Variants in FAM81A observed in about 807,000 individuals in gnomAD.
FAM81A encodes the protein family with sequence similarity 81 member A, also known as protein FAM81A.
A neutral mutation model predicts 46.7 loss-of-function variants in FAM81A; 19 were observed. The ratio of observed to expected loss-of-function variants is 0.41; its 90% CI spans 0.28 to 0.60. FAM81A has a LOEUF of 0.60. Among genes scored for constraint, FAM81A ranks in the 20% least tolerant of loss-of-function variants. The pLI, the probability that FAM81A is intolerant of heterozygous loss-of-function variation, is 0.34. For synonymous variants in FAM81A, 183 were observed against 152.9 expected, an observed-to-expected ratio of 1.20 and a Z score of -1.45; for missense variants, 377 against 453.5, an observed-to-expected ratio of 0.83 and a Z score of 1.53.
At chr15:59,490,875 C>A (rs573169762) in intron 3 of FAM81A, among the ~76,000 whole-genome samples, 21 of 152,064 alleles carry the variant, frequency 1.4e-4, no homozygotes, top group Non-Finnish European at 2.4e-4. Context: ...ATCATCTCAC[C>A]CCAGTTAAAA....
At chr15:59,415,525 C>T (rs183831067) in intron 2 of FAM81A, among the ~76,000 whole-genome samples, 11 of 152,256 alleles carry the variant, frequency 7.2e-5, no homozygotes, top group Non-Finnish European at 1.5e-4. Context: ...AGAGATGCTA[C>T]GTTGAAAGGA....
chr15:59,488,856 G>A (rs1199013870), intron 3 of FAM81A, among the ~76,000 whole-genome samples: 3 of 152,150 alleles, frequency 2.0e-5, no homozygotes, highest in Admixed American at 6.5e-5. Flanking sequence ...TGTGTGCCTC[G>A]GGAGGCTGAG....
intron 1 of FAM81A, among the ~76,000 whole-genome samples, chr15:59,450,791 C>A (rs1304836265): frequency 1.3e-5 from 2 of 152,208 alleles, no homozygotes; most frequent in Admixed American, 1.3e-4. Context: ...TCCATTTAGA[C>A]TTAAAACTTA....
At chr15:59,519,876 G>C (rs994812777) in intron 8 of FAM81A, among the ~76,000 whole-genome samples, 5 of 152,110 alleles carry the variant, frequency 3.3e-5, no homozygotes, top group African/African-American at 4.8e-5. Context: ...GAACAGGGGA[G>C]TGCAGATATC....
Position 59,520,563 on chromosome 15 carries a change from A to AT in FAM81A, c.983-672dup, listed in dbSNP as rs71119482. 3.6e-3 allele frequency among the ~76,000 whole-genome samples: 444 copies of AT among 122,230 alleles called. 2 individuals carry two copies. Among genetic ancestry groups the AT allele is most frequent in the Middle Eastern group, 8.0e-3 (2 of 250 alleles). The allele number at this position is 122,230 out of a possible 152,430, so 80.2% of individuals were successfully genotyped here. ...TCCCTAGTTTAGATTTGTTTGCTTC[A>AT]TTTTTTTTTTTTTTTTTTTGAGACG... On this transcript the variant is annotated intron_variant, in intron 8 of 8. Transcript: ENST00000288228.
At chr15:59,440,258 T>C (rs1279970627) in intron 1 of FAM81A, 1 of 151,816 alleles carries the variant, frequency 6.6e-6, no homozygotes, top group Non-Finnish European at 1.5e-5. Context: ...TATACCAAAT[T>C]AGAATCATTG....
chr15:59,432,996 G>T (rs2081227239), intron 2 of FAM81A, among the ~76,000 whole-genome samples: 1 of 150,492 alleles, frequency 6.6e-6, no homozygotes, highest in East Asian at 1.9e-4. Context: ...CAAAAAATTA[G>T]CTGGGCATGG....
At chr15:59,492,477 A>C (rs1318011302) in intron 4 of FAM81A, 88 bp downstream of exon 4, 5 of 1,051,518 alleles carry the variant, frequency 4.8e-6, no homozygotes, top group Non-Finnish European at 7.0e-6. Context: ...ATGAAGCCCC[A>C]AAGCAAATGG....
upstream of FAM81A, among the ~76,000 whole-genome samples, chr15:59,434,915 G>A (rs2081236493): frequency 1.3e-5 from 2 of 152,196 alleles, no homozygotes; most frequent in South Asian, 4.1e-4. Context: ...CCTTATAGAT[G>A]TCGTGTGTAT....
chr15:59,499,629 T>C (rs1469248772), intron 4 of FAM81A, among the ~76,000 whole-genome samples: 1 of 152,190 alleles, frequency 6.6e-6, no homozygotes, highest in Non-Finnish European at 1.5e-5. Context: ...TTTTCTGGGA[T>C]GTCTTTATTT....
At chr15:59,402,056 T>A in intron 1 of FAM81A, 5 of 544,434 alleles carry the variant, frequency 9.2e-6, no homozygotes. Context: ...AAAAACGCTC[T>A]CAATTTTCGG....
chr15:59,508,815 A>G, intron 5 of FAM81A, 48 bp from the exon 6 acceptor site: 2 of 1,405,970 alleles, frequency 1.4e-6, no homozygotes, highest in Non-Finnish European at 9.9e-7. Context: ...CTGAAGTTGC[A>G]TCTGAAGACG....
intron 1 of FAM81A, among the ~76,000 whole-genome samples, chr15:59,400,409 T>TC (rs1210111396): frequency 2.0e-5 from 3 of 152,020 alleles, no homozygotes; most frequent in African/African-American, 7.3e-5. Flanking sequence ...TATCATCCTC[T>TC]CCCGATCATA....
chr15:59,483,087 G>C (rs575945789), intron 3 of FAM81A, among the ~76,000 whole-genome samples: 1 of 151,952 alleles, frequency 6.6e-6, no homozygotes, highest in Non-Finnish European at 1.5e-5. Context: ...GCCCAGGCTG[G>C]AGTGCAGTGG....
intron 1 of FAM81A, chr15:59,438,911 T>G (rs1349902294): frequency 6.6e-6 from 1 of 152,234 alleles, no homozygotes; most frequent in African/African-American, 2.4e-5. Context: ...CTTCTTAAGA[T>G]GCACAGGTTA....
intron 2 of FAM81A, among the ~76,000 whole-genome samples, chr15:59,410,865 C>T (rs1486146529): frequency 6.6e-6 from 1 of 152,158 alleles, no homozygotes; most frequent in African/African-American, 2.4e-5. Flanking sequence ...ACTCTCCTGC[C>T]TCAGCCTCCT....
chr15:59,477,538 A>G (rs1180015509), intron 3 of FAM81A, among the ~76,000 whole-genome samples: 4 of 152,234 alleles, frequency 2.6e-5, no homozygotes, highest in Non-Finnish European at 5.9e-5. Flanking sequence ...ATTTTCTGTC[A>G]TGTGACTCTG....
At chr15:59,444,613 G>T (rs2081335329) in intron 1 of FAM81A, among the ~76,000 whole-genome samples, 2 of 152,152 alleles carry the variant, frequency 1.3e-5, no homozygotes, top group South Asian at 2.1e-4. Flanking sequence ...TCCTCTGGCT[G>T]TCTGGCCTCC....
chr15:59,507,302 A>G lies in FAM81A; in HGVS notation c.503A>G (p.Lys168Arg). 1 of 1,612,634 alleles carries G rather than the reference A, an allele frequency of 6.2e-7. No homozygotes were observed. The highest frequency in any genetic ancestry group is 8.5e-7 in the Non-Finnish European group (1 of 1,179,322). ...TTGAACAAAGAACAGCAGGCTGCCA[A>G]ACTTATCTTGGAAACGAAAATCAAA... is the stretch of plus-strand genomic sequence containing the variant. The part of the protein sequence containing the change: ...QHLNKEQQAA[K>R]LILETKIKDA... Residue 168 changes from lysine (K) to arginine (R), a missense_variant, in exon 5 of 9, where the codon AAA becomes AGA. Physicochemically the swap from Lys to Arg is conservative, Grantham distance 26. Coordinates refer to ENST00000288228, the MANE Select transcript of FAM81A (RefSeq NM_152450.3).
Sources: allele counts gnomAD v4.1 joint callset (sites outside exome capture counted in the v4.1 genomes callset), GRCh38; gene constraint gnomAD v4.1.1; transcripts MANE v1.5; gene names NCBI Gene and HGNC (gene_info 2026-07-23, HGNC 2026-07-21).